GNRHR: variants seen among roughly 807,000 people sequenced by gnomAD.
GNRHR encodes the protein gonadotropin-releasing hormone receptor.
In GNRHR, 14 loss-of-function variants were observed where a neutral mutation model predicts 28.1. The observed-to-expected ratio is 0.50, with a 90% CI of 0.33 to 0.78. The LOEUF (loss-of-function observed/expected upper bound fraction) is 0.78, where lower values mean the gene tolerates loss of function less well. Among genes scored for constraint, GNRHR ranks in the 30% least tolerant of loss-of-function variants. GNRHR has a pLI of 0.02. For missense variants in GNRHR, 366 were observed against 382.1 expected (o/e 0.96, Z 0.35); for synonymous variants, 141 against 140.5 (o/e 1.00, Z -0.02).
chr4:67,744,459 T>C, intron 2 of GNRHR, 109 bp downstream of exon 2: 1 of 727,416 alleles, frequency 1.4e-6, no homozygotes, highest in South Asian at 1.5e-5. Flanking sequence ...TGAGCTAATA[T>C]ATGCAAACTG....
chr4:67,753,590 T>A, intron 1 of GNRHR: 2 of 579,656 alleles, frequency 3.5e-6, no homozygotes, highest in Non-Finnish European at 6.1e-6. Flanking sequence ...TAAGTAAGCA[T>A]TAACCCCCAT....
At position 67,738,419 on chromosome 4, in the gene GNRHR, AG is replaced by A. The variant is rs1362876298; in HGVS notation, c.*2060del. ...ATGTAGGTTAAGAACCCCTGAGTCA[AG>A]ATTTCGAATAGCCCTTTAGTTAATG... On this transcript the variant is annotated 3_prime_UTR_variant, in exon 3 of 3. Transcript: ENST00000226413. Among the ~76,000 whole-genome samples, 11 of 151,856 alleles carry A rather than the reference AG, an allele frequency of 7.2e-5. No individual in the cohort carries two copies. The highest frequency in any genetic ancestry group is 2.7e-4 in the African/African-American group (11 of 41,408).
In GNRHR at chr4:67,753,160, A is replaced by G. The variant is rs372607446; in HGVS notation, c.522+654T>C. 1.6e-4 allele frequency among the ~76,000 whole-genome samples: 24 copies of G among 152,326 alleles called. No individual in the cohort carries two copies. In the South Asian group the frequency reaches 4.6e-3, roughly 29 times the overall value. ...CTCTGTCAGTCATATGGCTTTCTCA[A>G]TAAGCTGCCTCCAGCAAAACTCAAG... On this transcript the variant is annotated intron_variant, in intron 1 of 2. Coordinates refer to ENST00000226413, the MANE Select transcript of GNRHR (RefSeq NM_000406.3).
chr4:67,745,334 C>G (rs1731735874), intron 1 of GNRHR, among the ~76,000 whole-genome samples: 2 of 151,628 alleles, frequency 1.3e-5, no homozygotes, highest in South Asian at 4.2e-4. Context: ...CTGAAAAGAG[C>G]TTCCACTGGC....
chr4:67,740,974 G>A (rs1560516527), intron 2 of GNRHR, among the ~76,000 whole-genome samples: 1 of 152,116 alleles, frequency 6.6e-6, no homozygotes, highest in Admixed American at 6.6e-5. Context: ...TTGAAATATG[G>A]GGTACTCAAA....
At chr4:67,742,004 C>G (rs1221849747) in intron 2 of GNRHR, among the ~76,000 whole-genome samples, 1 of 152,112 alleles carries the variant, frequency 6.6e-6, no homozygotes, top group Non-Finnish European at 1.5e-5. Flanking sequence ...TGTGGGCCGT[C>G]TGTTAACTCT....
At chr4:67,744,275 A>G (rs1361373078) in intron 2 of GNRHR, among the ~76,000 whole-genome samples, 3 of 152,246 alleles carry the variant, frequency 2.0e-5, no homozygotes, top group East Asian at 1.9e-4. Flanking sequence ...GCTGCCCAGC[A>G]GAAACCATTT....
chr4:67,746,959 A>G (rs1731765660), intron 1 of GNRHR, among the ~76,000 whole-genome samples: 3 of 152,118 alleles, frequency 2.0e-5, no homozygotes, highest in Non-Finnish European at 4.4e-5. Context: ...AGCTAATTTT[A>G]TCTTATGATT....
intron 1 of GNRHR, among the ~76,000 whole-genome samples, chr4:67,749,239 G>C (rs1411269403): frequency 6.6e-6 from 1 of 152,106 alleles, no homozygotes. Flanking sequence ...GTGTGTTAAG[G>C]CAAGCCTCCA....
rs1731604184 is a variant in GNRHR at position 67,738,974 on chromosome 4, G to T, written c.*1506C>A. On this transcript the variant is annotated 3_prime_UTR_variant, in exon 3 of 3. Coordinates refer to ENST00000226413, the MANE Select transcript of GNRHR (RefSeq NM_000406.3). ...AGAAAATCAAAGAAAGAAAGGACGTGCCATTAGTTGGCAATTTGCTTTCCA... is the reference window on the plus strand; with the variant it reads ...AGAAAATCAAAGAAAGAAAGGACGTTCCATTAGTTGGCAATTTGCTTTCCA... Among the ~76,000 whole-genome samples the T allele has an allele frequency of 6.6e-6, 1 of 151,998 alleles. No individual in the cohort carries two copies. Among genetic ancestry groups the T allele is most frequent in the South Asian group, 2.1e-4 (1 of 4,828 alleles).
At chr4:67,753,445 A>G (rs1230206205) in intron 1 of GNRHR, among the ~76,000 whole-genome samples, 1 of 152,236 alleles carries the variant, frequency 6.6e-6, no homozygotes, top group Non-Finnish European at 1.5e-5. Flanking sequence ...AACCAAAACA[A>G]AAAGAAAAAC....
In GNRHR at chr4:67,739,607, G is replaced by A. The variant is rs1044020843; in HGVS notation, c.*873C>T. On this transcript the variant is annotated 3_prime_UTR_variant, in exon 3 of 3. Coordinates refer to ENST00000226413, the MANE Select transcript of GNRHR (RefSeq NM_000406.3). Reference sequence around the variant, plus strand: ...CAGTTATTTATGAAATATGGATTTAGTAAGATCAGGAGAGAGACAAAAAAT... The same window carrying A: ...CAGTTATTTATGAAATATGGATTTAATAAGATCAGGAGAGAGACAAAAAAT... The A allele has an allele frequency of 1.3e-5, 2 of 151,982 alleles. No homozygotes were observed. Among genetic ancestry groups the A allele is most frequent in the East Asian group, 3.9e-4 (2 of 5,184 alleles). The allele number at this position is 151,982 out of a possible 1,614,324, so 9.4% of individuals were successfully genotyped here. A position where few individuals can be genotyped will look rare whatever the true frequency, so the allele number is the denominator to read the frequency against.
At chr4:67,741,096 G>T (rs192489981) in intron 2 of GNRHR, among the ~76,000 whole-genome samples, 1 of 151,550 alleles carries the variant, frequency 6.6e-6, no homozygotes, top group East Asian at 1.9e-4. Flanking sequence ...ATGGTGTTTG[G>T]CTATATGAAT....
At position 67,737,842 on chromosome 4, in the gene GNRHR, CTG is replaced by C. The variant is rs1731578098; in HGVS notation, c.*2636_*2637del. Among the ~76,000 whole-genome samples, 1 of 151,858 alleles carries C rather than the reference CTG, an allele frequency of 6.6e-6. No individual in the cohort carries two copies. Among genetic ancestry groups the C allele is most frequent in the African/African-American group, 2.4e-5 (1 of 41,394 alleles). On this transcript the variant is annotated 3_prime_UTR_variant, in exon 3 of 3. Transcript: ENST00000226413. ...CAATATCTGATATATTAGATTGACT[CTG>C]TGGAACATTTCCTTTTTTACAAGGA...
chr4:67,740,979 C>T (rs571449131), intron 2 of GNRHR, among the ~76,000 whole-genome samples: 2 of 152,122 alleles, frequency 1.3e-5, no homozygotes, highest in African/African-American at 4.8e-5. Context: ...ATATGGGGTA[C>T]TCAAACTCTT....
In GNRHR at chr4:67,738,232, A is replaced by G. The variant is rs576475427; in HGVS notation, c.*2248T>C. 4.6e-5 allele frequency among the ~76,000 whole-genome samples: 7 copies of G among 151,918 alleles called. No homozygotes were observed. The highest frequency in any genetic ancestry group is 1.9e-4 in the East Asian group (1 of 5,190). The stretch of plus-strand genomic sequence containing the variant: ...TTTTTATTGTAATAGATTTCTTTAT[A>G]TATATACAAAGTCAACTAGGACTTC... On this transcript the variant is annotated 3_prime_UTR_variant, in exon 3 of 3. Coordinates refer to ENST00000226413, the MANE Select transcript of GNRHR (RefSeq NM_000406.3).
Position 67,754,364 on chromosome 4 carries a change from G to A in GNRHR, c.-29C>T, listed in dbSNP as rs772127118. On this transcript the variant is annotated 5_prime_UTR_variant, in exon 1 of 3. Coordinates refer to ENST00000226413, the MANE Select transcript of GNRHR (RefSeq NM_000406.3). ...TTCCCAGGACAGAGCTTCAAGCCTT[G>A]TGTCTCTGGTGCATCTGATATTTTA... The A allele has an allele frequency of 6.4e-6, 10 of 1,559,634 alleles. No homozygotes were observed. The South Asian group carries it at 1.0e-4, about 16-fold the overall frequency.
At chr4:67,747,282 A>C (rs1731771188) in intron 1 of GNRHR, 2 of 153,374 alleles carry the variant, frequency 1.3e-5, no homozygotes, top group African/African-American at 4.8e-5. Context: ...GGCTGATGAA[A>C]TCCCAAGCGT....
chr4:67,744,124 A>T (rs1731712341), intron 2 of GNRHR, among the ~76,000 whole-genome samples: 1 of 152,248 alleles, frequency 6.6e-6, no homozygotes, highest in Non-Finnish European at 1.5e-5. Flanking sequence ...GCATATTAAC[A>T]TACACACAAA....
Sources: gnomAD v4.1 joint callset for allele counts (sites outside exome capture counted in the v4.1 genomes callset) on GRCh38, gnomAD v4.1.1 for gene constraint, MANE v1.5 for transcripts, NCBI Gene and HGNC (gene_info 2026-07-23, HGNC 2026-07-21) for gene names.